The following SPMIP2 variants were observed in gnomAD, a reference collection of about 807,000 sequenced individuals.
SPMIP2 encodes sperm microtubule inner protein 2.
chr4:159,006,091 A>G, the SPMIP2 span, among the ~76,000 whole-genome samples: 1 of 152,218 alleles, frequency 6.6e-6, no homozygotes, highest in Non-Finnish European at 1.5e-5. Flanking sequence ...TGTGGCTGCC[A>G]GAAAATGTTC....
the SPMIP2 span, among the ~76,000 whole-genome samples, chr4:159,028,151 C>A: frequency 2.5e-4 from 38 of 152,110 alleles, 1 homozygote; most frequent in Non-Finnish European, 8.8e-5. Context: ...ACTTAACTTA[C>A]CTGAACCCTG....
At chr4:158,954,406 G>T in the SPMIP2 span, among the ~76,000 whole-genome samples, 1 of 152,162 alleles carries the variant, frequency 6.6e-6, no homozygotes, top group Non-Finnish European at 1.5e-5. Flanking sequence ...ATGTGGAACT[G>T]TAAGTCCAAT....
chr4:159,039,685 A>T, the SPMIP2 span, among the ~76,000 whole-genome samples: 1 of 152,262 alleles, frequency 6.6e-6, no homozygotes, highest in Non-Finnish European at 1.5e-5. Flanking sequence ...ATGAGCCACC[A>T]GATGCCTTTT....
chr4:158,989,626 G>A, the SPMIP2 span, among the ~76,000 whole-genome samples: 1 of 152,118 alleles, frequency 6.6e-6, no homozygotes, highest in African/African-American at 2.4e-5. Context: ...AACAAGCAAT[G>A]GGGAAAGGAT....
chr4:158,893,574 A>T, the SPMIP2 span: 11 of 748,140 alleles, frequency 1.5e-5, no homozygotes, highest in Non-Finnish European at 2.4e-5. Context: ...GCTGAAGCGT[A>T]CTCTTGCAAG....
chr4:159,060,890 G>C, the SPMIP2 span, among the ~76,000 whole-genome samples: 1 of 151,984 alleles, frequency 6.6e-6, no homozygotes, highest in East Asian at 1.9e-4. Flanking sequence ...TTCAAGACCA[G>C]TCTAGGCAAC....
the SPMIP2 span, among the ~76,000 whole-genome samples, chr4:159,018,582 A>C: frequency 2.0e-5 from 3 of 152,210 alleles, no homozygotes; most frequent in Non-Finnish European, 4.4e-5. Flanking sequence ...CAAGGCAAAA[A>C]AATGTCCAAA....
chr4:159,001,389 A>C, the SPMIP2 span, among the ~76,000 whole-genome samples: 9 of 152,268 alleles, frequency 5.9e-5, no homozygotes, highest in Admixed American at 2.0e-4. Context: ...TTGGGGGTAC[A>C]TGTGCAAGTT....
chr4:158,899,410 A>G, the SPMIP2 span, among the ~76,000 whole-genome samples: 1 of 152,196 alleles, frequency 6.6e-6, no homozygotes, highest in Non-Finnish European at 1.5e-5. Context: ...ATTGTTTGGA[A>G]TAGTTTCAGA....
the SPMIP2 span, among the ~76,000 whole-genome samples, chr4:158,991,200 C>G: frequency 2.7e-5 from 4 of 146,696 alleles, no homozygotes; most frequent in East Asian, 7.9e-4. Flanking sequence ...AGCCCCAGAA[C>G]CAAAATGAGT....
the SPMIP2 span, among the ~76,000 whole-genome samples, chr4:159,014,680 T>C: frequency 6.6e-6 from 1 of 152,186 alleles, no homozygotes; most frequent in Non-Finnish European, 1.5e-5. Flanking sequence ...CCATATTGGC[T>C]TTTCCAATGT....
At chr4:159,021,673 T>C in the SPMIP2 span, among the ~76,000 whole-genome samples, 2 of 152,312 alleles carry the variant, frequency 1.3e-5, no homozygotes, top group Middle Eastern at 3.4e-3. Context: ...ATCTTCTGAG[T>C]AGTTTTATGC....
chr4:159,012,190 G>T, the SPMIP2 span, among the ~76,000 whole-genome samples: 3 of 152,124 alleles, frequency 2.0e-5, no homozygotes, highest in South Asian at 6.2e-4. Flanking sequence ...GATCACTTGA[G>T]CCCAGGAGTT....
At chr4:159,024,559 C>T in the SPMIP2 span, among the ~76,000 whole-genome samples, 9 of 152,232 alleles carry the variant, frequency 5.9e-5, no homozygotes, top group African/African-American at 1.4e-4. Context: ...TCAAGGGAAA[C>T]GGACTCAAGG....
At chr4:159,045,590 A>G in the SPMIP2 span, among the ~76,000 whole-genome samples, 5 of 152,230 alleles carry the variant, frequency 3.3e-5, no homozygotes, top group African/African-American at 1.2e-4. Context: ...GGGAATAGCT[A>G]TGAGAGAGAA....
At chr4:158,945,652 G>A in the SPMIP2 span, among the ~76,000 whole-genome samples, 3 of 152,098 alleles carry the variant, frequency 2.0e-5, no homozygotes, top group African/African-American at 7.2e-5. Flanking sequence ...GTCCCTCATC[G>A]CTGGGCGGAT....
chr4:158,951,176 C>T, the SPMIP2 span, among the ~76,000 whole-genome samples: 1 of 152,296 alleles, frequency 6.6e-6, no homozygotes, highest in East Asian at 1.9e-4. Context: ...GCTGTAGTGC[C>T]TACCACCTAG....
the SPMIP2 span, among the ~76,000 whole-genome samples, chr4:158,917,524 C>T: frequency 7.2e-5 from 11 of 151,930 alleles, no homozygotes; most frequent in Non-Finnish European, 1.5e-4. Flanking sequence ...ACCTTCCCCT[C>T]GATGAGCTCC....
At chr4:158,904,628 C>A in the SPMIP2 span, 3 of 1,209,114 alleles carry the variant, frequency 2.5e-6, no homozygotes, top group African/African-American at 1.5e-5. Context: ...TCTGTGATGT[C>A]AAAAGCATGA....
Sources: gnomAD v4.1 joint callset for allele counts (sites outside exome capture counted in the v4.1 genomes callset) on GRCh38, gnomAD v4.1.1 for gene constraint, MANE v1.5 for transcripts, NCBI Gene and HGNC (gene_info 2026-07-23, HGNC 2026-07-21) for gene names.